The following SLC25A30 variants were observed in gnomAD, a reference collection of about 807,000 sequenced individuals.
The protein encoded by SLC25A30 is kidney mitochondrial carrier protein 1.
In SLC25A30, 29 loss-of-function variants were observed where a neutral mutation model predicts 42.7. That is an observed-to-expected ratio of 0.68 (90% CI 0.51 to 0.93). The LOEUF (loss-of-function observed/expected upper bound fraction) is 0.93. SLC25A30 is among the 40% of genes least tolerant of loss of function. The pLI is 0.00. For missense variants in SLC25A30, 300 were observed against 359.7 expected (o/e 0.83, Z 1.34); for synonymous variants, 124 against 131.0 (o/e 0.95, Z 0.37).
chr13:45,411,999 C>A (rs1883071943), intron 1 of SLC25A30: 1 of 55,318 alleles, frequency 1.8e-5, no homozygotes, highest in Non-Finnish European at 3.3e-5. Flanking sequence ...CTTAGTGAGT[C>A]CTTACTGGGG....
the SLC25A30 span, among the ~76,000 whole-genome samples, chr13:45,428,297 C>T: frequency 6.6e-6 from 1 of 151,900 alleles, no homozygotes; most frequent in Non-Finnish European, 1.5e-5. Context: ...CAACCTCTGC[C>T]TCCCAGGTTC....
upstream of SLC25A30, among the ~76,000 whole-genome samples, chr13:45,418,940 CAAAAAAAAAAAAAAAAAAAAAAAAAAAAA>C (rs1168457204): frequency 6.0e-4 from 9 of 14,914 alleles, no homozygotes; most frequent in Admixed American, 3.7e-3. Context: ...GACTTCGTCT[CAAAAAAAAAAAAAAAAAAAAAAAAAAAAA>C]AAAAAAAAAA....
chr13:45,425,096 T>TGTATA, the SLC25A30 span, among the ~76,000 whole-genome samples: 2 of 10,388 alleles, frequency 1.9e-4, no homozygotes, highest in African/African-American at 4.8e-4. Flanking sequence ...ATAAATATAT[T>TGTATA]TATAAATATA....
At position 45,393,843 on chromosome 13, in the gene SLC25A30, C is replaced by G. The variant is rs75444174; in HGVS notation, c.*2131G>C. 6.8e-4 allele frequency: 668 copies of G among 985,312 alleles called. 15 individuals carry two copies. The Admixed American group carries it at 0.035, about 51-fold the overall frequency. 61.0% of individuals were successfully genotyped at this position (985,312 alleles called of 1,614,324 possible). On this transcript the variant is annotated 3_prime_UTR_variant, in exon 10 of 10. Transcript: ENST00000519676. ...AAGTTTTACCATGAGGTTTGAATTT[C>G]TTTCCACCTTGGTAGGAACATGTAT...
chr13:45,408,996 C>CT lies in SLC25A30; in HGVS notation c.142dup (p.Arg48LysfsTer52). The CT allele has an allele frequency of 1.2e-6, 2 of 1,613,826 alleles. No homozygotes were observed. Among genetic ancestry groups the CT allele is most frequent in the Non-Finnish European group, 1.7e-6 (2 of 1,179,894 alleles). ...TAATGCGTGCAACATTCCTCGGTATCTAATTTCCTTAAATTTTGCATCATT... is the reference window on the plus strand; with the variant it reads ...TAATGCGTGCAACATTCCTCGGTATCTTAATTTCCTTAAATTTTGCATCATT... On this transcript the variant is annotated frameshift_variant, in exon 3 of 10. Transcript: ENST00000519676. LOFTEE classifies it high-confidence loss of function.
In SLC25A30 at chr13:45,393,528, G is replaced by T. The variant is rs901513332; in HGVS notation, c.*2446C>A. ...TGAATCCACAACATTAAGCATCAAT[G>T]ATTACACAAATCCATAAGCACACAA... On this transcript the variant is annotated 3_prime_UTR_variant, in exon 10 of 10. Transcript: ENST00000519676. 1.0e-6 allele frequency: 1 copy of T among 985,286 alleles called. No homozygotes were observed. The highest frequency in any genetic ancestry group is 1.2e-6 in the Non-Finnish European group (1 of 829,912). 61.0% of individuals were successfully genotyped at this position (985,286 alleles called of 1,614,324 possible). A position where few individuals can be genotyped will look rare whatever the true frequency, so the allele number is the denominator to read the frequency against.
intron 1 of SLC25A30, among the ~76,000 whole-genome samples, chr13:45,414,532 G>A (rs1426416493): frequency 2.6e-5 from 4 of 151,976 alleles, no homozygotes; most frequent in Non-Finnish European, 2.9e-5. Flanking sequence ...CAGAAGAATC[G>A]CTTGAAACCG....
At chr13:45,396,973 C>A (rs747642628) in intron 9 of SLC25A30, 4 of 337,256 alleles carry the variant, frequency 1.2e-5, no homozygotes, top group Non-Finnish European at 2.1e-5. Flanking sequence ...TCCTCTCTCT[C>A]TCTCTGAAAT....
chr13:45,404,062 G>A (rs1234157785), intron 5 of SLC25A30, among the ~76,000 whole-genome samples: 1 of 151,788 alleles, frequency 6.6e-6, no homozygotes, highest in African/African-American at 2.4e-5. Flanking sequence ...CGTGAAAAAC[G>A]AAAATGAAAT....
In SLC25A30 at chr13:45,399,005, T is replaced by C; in HGVS notation, c.688A>G (p.Asn230Asp). 6.2e-7 allele frequency: 1 copy of C among 1,614,102 alleles called. No individual in the cohort carries two copies. The stretch of plus-strand genomic sequence containing the variant: ...CTGCCATCTCGAAGCACTCTCTGAT[T>C]CATCATACGTGTCCTCACAACATCA... ...PVDVVRTRMM[N>D]QRVLRDGRCS... Residue 230 changes from asparagine (N) to aspartate (D), a missense_variant, in exon 8 of 10, where the codon AAT (asparagine) becomes GAT (aspartate). By Grantham distance (23) the Asn-to-Asp change is conservative. Transcript: ENST00000519676.
At chr13:45,414,631 C>T (rs945490537) in intron 1 of SLC25A30, among the ~76,000 whole-genome samples, 7 of 128,018 alleles carry the variant, frequency 5.5e-5, no homozygotes, top group Admixed American at 2.4e-4. Context: ...CACACACACA[C>T]ACATACACAC....
the SLC25A30 span, among the ~76,000 whole-genome samples, chr13:45,426,462 G>T: frequency 6.6e-6 from 1 of 152,098 alleles, no homozygotes; most frequent in African/African-American, 2.4e-5. Flanking sequence ...TTCCTCCCGG[G>T]CCCTAAAGAG....
At chr13:45,413,075 C>A (rs971291523) in intron 1 of SLC25A30, among the ~76,000 whole-genome samples, 1 of 152,216 alleles carries the variant, frequency 6.6e-6, no homozygotes, top group Non-Finnish European at 1.5e-5. Flanking sequence ...TAGGACCCCC[C>A]ATCGGGCACC....
the SLC25A30 span, among the ~76,000 whole-genome samples, chr13:45,423,944 AAAAAATATATGAATATATAT>A: frequency 2.3e-5 from 1 of 43,758 alleles, no homozygotes; most frequent in East Asian, 4.1e-4. Context: ...TAAATATATA[AAAAAATATATGAATATATAT>A]AAACATATAA....
chr13:45,401,800 C>G (rs890884456), intron 6 of SLC25A30, among the ~76,000 whole-genome samples: 8 of 152,138 alleles, frequency 5.3e-5, no homozygotes, highest in African/African-American at 1.9e-4. Context: ...TGCCTCACAA[C>G]TGTAATCCCG....
Position 45,394,890 on chromosome 13 carries a change from T to C in SLC25A30, c.*1084A>G, listed in dbSNP as rs1881200031. The C allele has an allele frequency of 1.0e-6, 1 of 985,384 alleles. No homozygotes were observed. Among genetic ancestry groups the C allele is most frequent in the Non-Finnish European group, 1.2e-6 (1 of 829,912 alleles). 61.0% of individuals were successfully genotyped at this position (985,384 alleles called of 1,614,324 possible). A position where few individuals can be genotyped will look rare whatever the true frequency, so the allele number is the denominator to read the frequency against. ...GCACAACATAAACTAAAGTAAAAAC[T>C]GGAAACCTGGAAAAATCAACTCTTT... On this transcript the variant is annotated 3_prime_UTR_variant, in exon 10 of 10. Transcript: ENST00000519676.
At chr13:45,408,073 T>C (rs991939085) in intron 3 of SLC25A30, among the ~76,000 whole-genome samples, 1 of 152,192 alleles carries the variant, frequency 6.6e-6, no homozygotes, top group Admixed American at 6.5e-5. Context: ...ACTTAAACAC[T>C]TTCAGTGGCT....
At chr13:45,424,936 ATT>A in the SLC25A30 span, among the ~76,000 whole-genome samples, 27 of 65,056 alleles carry the variant, frequency 4.2e-4, no homozygotes, top group African/African-American at 2.0e-3. Flanking sequence ...ATATATAAAT[ATT>A]TAAATAAATA....
At chr13:45,420,317 G>A (rs1883859776), upstream of SLC25A30, 1 of 152,126 alleles carries the variant, frequency 6.6e-6, no homozygotes, top group South Asian at 2.1e-4. Flanking sequence ...TGAGTACCTG[G>A]ATTTTTGGCC....
Sources: allele counts gnomAD v4.1 joint callset (sites outside exome capture counted in the v4.1 genomes callset), GRCh38; gene constraint gnomAD v4.1.1; transcripts MANE v1.5; gene names NCBI Gene and HGNC (gene_info 2026-07-23, HGNC 2026-07-21).